THSD7B: variants seen among roughly 807,000 people sequenced by gnomAD.
The protein encoded by THSD7B is thrombospondin type-1 domain-containing protein 7B.
In THSD7B, 138 loss-of-function variants were observed where a neutral mutation model predicts 213.6. The ratio of observed to expected loss-of-function variants is 0.65; its 90% CI spans 0.56 to 0.74. THSD7B has a LOEUF of 0.74. Ranked by LOEUF, THSD7B falls within the 30% of genes least tolerant of loss-of-function variation. The probability of loss-of-function intolerance (pLI) is 0.00; values close to 1 mark genes in which losing one functional copy is unlikely to be tolerated. For synonymous variants in THSD7B, 742 were observed against 687.0 expected, an observed-to-expected ratio of 1.08 and a Z score of -1.25; for missense variants, 1,931 against 1,991.5, an observed-to-expected ratio of 0.97 and a Z score of 0.58.
At chr2:137,524,254 C>T (rs1309271376) in intron 15 of THSD7B, among the ~76,000 whole-genome samples, 1 of 151,994 alleles carries the variant, frequency 6.6e-6, no homozygotes, top group Non-Finnish European at 1.5e-5. Flanking sequence ...TTGCCGTTAG[C>T]CTCCCCAAGC....
At chr2:137,010,076 G>A (rs1188233984) in intron 2 of THSD7B, among the ~76,000 whole-genome samples, 1 of 152,056 alleles carries the variant, frequency 6.6e-6, no homozygotes, top group African/African-American at 2.4e-5. Context: ...CTAAGCTTGA[G>A]GTCTTGTAAC....
intron 7 of THSD7B, among the ~76,000 whole-genome samples, chr2:137,192,201 A>C (rs1473818199): frequency 6.6e-6 from 1 of 152,196 alleles, no homozygotes; most frequent in African/African-American, 2.4e-5. Context: ...TCGTGGGTAT[A>C]CATAAATAAT....
At chr2:137,082,818 T>G (rs1442611466) in intron 3 of THSD7B, among the ~76,000 whole-genome samples, 1 of 152,066 alleles carries the variant, frequency 6.6e-6, no homozygotes, top group Admixed American at 6.5e-5. Flanking sequence ...ATTCTGAGAG[T>G]GGTACTGCAT....
chr2:137,308,706 G>T (rs1012807515), intron 12 of THSD7B, among the ~76,000 whole-genome samples: 1 of 151,790 alleles, frequency 6.6e-6, no homozygotes, highest in Non-Finnish European at 1.5e-5. Flanking sequence ...TTGAGAAAAA[G>T]GTATAATAAA....
chr2:137,387,433 A>G (rs1037973195), intron 12 of THSD7B, among the ~76,000 whole-genome samples: 3 of 152,238 alleles, frequency 2.0e-5, no homozygotes, highest in South Asian at 2.1e-4. Flanking sequence ...TATTTGGAAT[A>G]ATTTTACCTA....
intron 14 of THSD7B, among the ~76,000 whole-genome samples, chr2:137,441,695 T>C (rs1687415148): frequency 6.6e-6 from 1 of 152,028 alleles, no homozygotes; most frequent in Admixed American, 6.6e-5. Flanking sequence ...AGCAGCAGAC[T>C]TGGAAAGACA....
At chr2:136,936,908 C>T (rs1231760344) in intron 2 of THSD7B, among the ~76,000 whole-genome samples, 4 of 152,038 alleles carry the variant, frequency 2.6e-5, no homozygotes, top group Non-Finnish European at 5.9e-5. Context: ...ATTCCTAAAA[C>T]AAATCTCACC....
chr2:137,229,470 A>G (rs1372422121), intron 7 of THSD7B, among the ~76,000 whole-genome samples: 1 of 152,104 alleles, frequency 6.6e-6, no homozygotes, highest in Non-Finnish European at 1.5e-5. Flanking sequence ...AACGTCTATT[A>G]CTTCTCATAA....
In THSD7B at chr2:137,450,914, G is replaced by C; in HGVS notation, c.3029G>C (p.Gly1010Ala). 1 of 1,613,326 alleles carries C rather than the reference G, an allele frequency of 6.2e-7. No homozygotes were observed. Among genetic ancestry groups the C allele is most frequent in the Non-Finnish European group, 8.5e-7 (1 of 1,179,530 alleles). Residue 1010 changes from glycine (G) to alanine (A), a missense_variant, in exon 15 of 28, where the codon GGG becomes GCG. Transcript: ENST00000409968. ...DCKLSDWSSW[G>A]SCSSSCGIGV... is the part of the protein sequence containing the mutation. ...AAGTTAAGCGATTGGTCTAGTTGGG[G>C]GTCTTGCAGTTCATCTTGTGGAATT...
chr2:137,589,649 T>C (rs901929321), intron 17 of THSD7B, among the ~76,000 whole-genome samples: 1 of 152,232 alleles, frequency 6.6e-6, no homozygotes, highest in African/African-American at 2.4e-5. Context: ...TGCTCTTGCA[T>C]ATTTGGGGTC....
At chr2:137,614,777 A>G (rs779423058) in intron 17 of THSD7B, among the ~76,000 whole-genome samples, 5 of 152,192 alleles carry the variant, frequency 3.3e-5, no homozygotes, top group Non-Finnish European at 7.3e-5. Context: ...GTGAATGTGT[A>G]TCAATGGTCC....
intron 2 of THSD7B, among the ~76,000 whole-genome samples, chr2:136,966,381 C>G (rs767458187): frequency 1.3e-5 from 2 of 152,032 alleles, no homozygotes; most frequent in Non-Finnish European, 2.9e-5. Context: ...CCACACTCAG[C>G]TAGTTTTTGT....
Position 137,041,625 on chromosome 2 carries a change from A to T in THSD7B, c.140-14795A>T, listed in dbSNP as rs1015425180. On this transcript the variant is annotated intron_variant, in intron 2 of 27. Coordinates refer to ENST00000409968, the MANE Select transcript of THSD7B (RefSeq NM_001316349.2). ...GAATTGGCTTAAATATATGTAATAT[A>T]TTATGCAATATTATATAATATGTAT... Among the ~76,000 whole-genome samples, 4 of 149,484 alleles carry T rather than the reference A, an allele frequency of 2.7e-5. No individual in the cohort carries two copies. The Admixed American group carries it at 2.7e-4, about 10-fold the overall frequency.
At chr2:137,135,853 A>AG (rs1239091569) in intron 5 of THSD7B, among the ~76,000 whole-genome samples, 2 of 152,044 alleles carry the variant, frequency 1.3e-5, no homozygotes, top group African/African-American at 4.8e-5. Flanking sequence ...CTACACTAAA[A>AG]AAAAAACACC....
At chr2:137,431,543 C>A (rs1219655064) in intron 14 of THSD7B, among the ~76,000 whole-genome samples, 3 of 152,104 alleles carry the variant, frequency 2.0e-5, no homozygotes, top group Non-Finnish European at 4.4e-5. Context: ...CAAGATATGG[C>A]AGAGAAACAT....
intron 7 of THSD7B, among the ~76,000 whole-genome samples, chr2:137,172,834 GT>G (rs1680283438): frequency 6.6e-6 from 1 of 152,162 alleles, no homozygotes; most frequent in Admixed American, 6.5e-5. Flanking sequence ...AATAGATAGT[GT>G]TAGAGTTGAG....
chr2:137,426,387 G>A (rs1474221687), intron 14 of THSD7B, among the ~76,000 whole-genome samples: 1 of 151,854 alleles, frequency 6.6e-6, no homozygotes, highest in Non-Finnish European at 1.5e-5. Flanking sequence ...TATTGAACAA[G>A]AAGAACAAAG....
chr2:137,616,498 A>T (rs1026504813), intron 18 of THSD7B, among the ~76,000 whole-genome samples, 182 bp downstream of exon 18: 2 of 152,174 alleles, frequency 1.3e-5, no homozygotes, highest in African/African-American at 4.8e-5. Context: ...CACTCTTGGC[A>T]TGTAGAATCA....
chr2:136,857,592 A>ATT (rs1006348641), intron 1 of THSD7B, among the ~76,000 whole-genome samples: 1 of 150,332 alleles, frequency 6.7e-6, no homozygotes, highest in Non-Finnish European at 1.5e-5. Flanking sequence ...TATATAATTC[A>ATT]TTATATGTAA....
Sources: gnomAD v4.1 joint callset for allele counts (sites outside exome capture counted in the v4.1 genomes callset) on GRCh38, gnomAD v4.1.1 for gene constraint, MANE v1.5 for transcripts, NCBI Gene and HGNC (gene_info 2026-07-23, HGNC 2026-07-21) for gene names.